CCT8: variants seen among roughly 807,000 people sequenced by gnomAD.
CCT8 encodes the protein chaperonin containing TCP1 subunit 8.
A neutral mutation model predicts 65.7 loss-of-function variants in CCT8; 10 were observed. The ratio of observed to expected loss-of-function variants is 0.15; its 90% confidence interval spans 0.09 to 0.26. The LOEUF (loss-of-function observed/expected upper bound fraction) is 0.26. CCT8 is among the 10% of genes least tolerant of loss of function. CCT8 has a pLI of 1.00. For synonymous variants in CCT8, 199 were observed against 221.8 expected (o/e 0.90, Z 0.92); for missense variants, 568 against 669.1 (o/e 0.85, Z 1.67).
Position 29,072,582 on chromosome 21 carries a change from C to G in CCT8, c.60+949G>C, listed in dbSNP as rs186593255. Among the ~76,000 whole-genome samples, 397 of 152,202 alleles carry G rather than the reference C, an allele frequency of 2.6e-3. 4 individuals are homozygous for G. Among genetic ancestry groups the G allele is most frequent in the Non-Finnish European group, 1.0e-3 (70 of 68,000 alleles). On this transcript the variant is annotated intron_variant, in intron 1 of 14. Coordinates refer to ENST00000286788, the MANE Select transcript of CCT8 (RefSeq NM_006585.4). Reference sequence around the variant, plus strand: ...GAACCCTGACATTTACTTACTATACCGACATTATTTGAAAAGTGCATCCTA... The same window carrying G: ...GAACCCTGACATTTACTTACTATACGGACATTATTTGAAAAGTGCATCCTA...
intron 14 of CCT8, among the ~76,000 whole-genome samples, chr21:29,058,399 C>T (rs1365358527): frequency 6.6e-6 from 1 of 151,848 alleles, no homozygotes; most frequent in Non-Finnish European, 1.5e-5. Context: ...TGAGATCACA[C>T]CACTGCACTC....
chr21:29,072,948 A>G (rs566481462), intron 1 of CCT8, among the ~76,000 whole-genome samples: 2 of 152,346 alleles, frequency 1.3e-5, no homozygotes, highest in African/African-American at 2.4e-5. Context: ...AGAAAGTTAC[A>G]TTTTAGATTA....
At chr21:29,064,892 A>T in intron 7 of CCT8, 76 bp downstream of exon 7, 1 of 1,282,822 alleles carries the variant, frequency 7.8e-7, no homozygotes, top group Non-Finnish European at 1.1e-6. Context: ...AGAAGTACTT[A>T]CTGGTTTAAG....
chr21:29,061,586 C>A lies in CCT8; in HGVS notation c.1213-19G>T, dbSNP rs776685936. The A allele has an allele frequency of 1.9e-5, 30 of 1,599,078 alleles. No individual in the cohort carries two copies. The Admixed American group carries it at 5.1e-4, about 27-fold the overall frequency. ...GTTTATCCTGTATGTAGCGCCCCCA[C>A]CAAAAAAAAAATGAACACAAAACAA... is the stretch of plus-strand genomic sequence containing the variant. On this transcript the variant is annotated intron_variant, in intron 11 of 14. Transcript: ENST00000286788.
chr21:29,071,363 T>C lies in CCT8; in HGVS notation c.61-1026A>G, dbSNP rs565674293. 2.6e-5 allele frequency among the ~76,000 whole-genome samples: 4 copies of C among 152,120 alleles called. No individual in the cohort carries two copies. The East Asian group carries it at 7.8e-4, about 30-fold the overall frequency. On this transcript the variant is annotated intron_variant, in intron 1 of 14. Transcript: ENST00000286788. The stretch of plus-strand genomic sequence containing the variant: ...TACAATACAAGCCATGATTTTGTGA[T>C]CCAAAACCAAGGTTAATAGCCATTA...
chr21:29,063,603 T>C, intron 7 of CCT8, 73 bp from the exon 8 acceptor site: 1 of 1,461,254 alleles, frequency 6.8e-7, no homozygotes, highest in South Asian at 1.2e-5. Context: ...AGATAATAGT[T>C]GACTGAAGAA....
chr21:29,072,010 T>A (rs890918229), intron 1 of CCT8: 81 of 621,042 alleles, frequency 1.3e-4, no homozygotes, highest in South Asian at 4.5e-4. Flanking sequence ...GTTGTTGTTT[T>A]AAAAAAAAAA....
In CCT8 at chr21:29,056,442, C is replaced by A. The variant is rs757293791; in HGVS notation, c.*33G>T. On this transcript the variant is annotated 3_prime_UTR_variant, in exon 15 of 15. Coordinates refer to ENST00000286788, the MANE Select transcript of CCT8 (RefSeq NM_006585.4). ...TGATTCTTGAGTACTACTACAAATACAGCCTTCACCTACAGTAAAAATTAA... is the reference window on the plus strand; with the variant it reads ...TGATTCTTGAGTACTACTACAAATAAAGCCTTCACCTACAGTAAAAATTAA... 10 of 1,220,752 alleles carry A rather than the reference C, an allele frequency of 8.2e-6. No individual in the cohort carries two copies. Among genetic ancestry groups the A allele is most frequent in the Non-Finnish European group, 1.0e-5 (9 of 883,400 alleles). 75.6% of individuals were successfully genotyped at this position (1,220,752 alleles called of 1,614,324 possible).
chr21:29,057,174 T>C lies in CCT8; in HGVS notation c.1570-622A>G, dbSNP rs139507266. Among the ~76,000 whole-genome samples the C allele has an allele frequency of 8.8e-3, 1,322 of 150,560 alleles. 18 individuals carry two copies. The highest frequency in any genetic ancestry group is 0.031 in the African/African-American group (1,266 of 41,176). On this transcript the variant is annotated intron_variant, in intron 14 of 14. Transcript: ENST00000286788. ...AAATAAATAGGTTTTAGCTTTTTTT[T>C]TTTTTTTCTTTTTGAGACGGAGTCT...
At chr21:29,067,168 CA>C (rs2085633305) in intron 4 of CCT8, 97 bp from the exon 5 acceptor site, 2 of 840,488 alleles carry the variant, frequency 2.4e-6, no homozygotes, top group Non-Finnish European at 3.7e-6. Flanking sequence ...TACAAAATGA[CA>C]AAGAATATAC....
Position 29,057,619 on chromosome 21 carries a change from T to C in CCT8, c.1570-1067A>G, listed in dbSNP as rs1216946098. Among the ~76,000 whole-genome samples the C allele has an allele frequency of 2.1e-5, 3 of 144,820 alleles. No individual in the cohort carries two copies. The East Asian group carries it at 6.0e-4, about 29-fold the overall frequency. On this transcript the variant is annotated intron_variant, in intron 14 of 14. Coordinates refer to ENST00000286788, the MANE Select transcript of CCT8 (RefSeq NM_006585.4). ...AGTCTACAAAAACTAAAAATATATA[T>C]ATATATAAAATATATATATAACATT...
At chr21:29,067,257 C>CA in intron 4 of CCT8, among the ~76,000 whole-genome samples, 186 bp from the exon 5 acceptor site, 1 of 152,298 alleles carries the variant, frequency 6.6e-6, no homozygotes, top group South Asian at 2.1e-4. Flanking sequence ...AATCTTAACT[C>CA]TACCTAACTC....
At chr21:29,067,729 T>G (rs758337074) in intron 3 of CCT8, 24 bp from the exon 4 acceptor site, 4 of 1,334,142 alleles carry the variant, frequency 3.0e-6, no homozygotes, top group South Asian at 2.6e-5. Flanking sequence ...TAATATCAAG[T>G]TAAACATCTG....
rs1286451745 is a variant in CCT8, at chr21:29,056,516, G to A, written c.1606C>T (p.Pro536Ser). Residue 536 changes from proline to serine, a missense_variant, in exon 15 of 15, where the codon CCA (proline) becomes TCA (serine). Physicochemically the swap from Pro to Ser is moderately conservative, Grantham distance 74. Transcript: ENST00000286788. ...MAKPAGGPKP[P>S]SGKKDWDDDQ... ...TCATCCCAGTCTTTCTTCCCACTTG[G>A]AGGCTTGGGCCCACCAGCTGGTTTT... 2 of 1,544,828 alleles carry A rather than the reference G, an allele frequency of 1.3e-6. No homozygotes were observed. Among genetic ancestry groups the A allele is most frequent in the South Asian group, 1.2e-5 (1 of 80,382 alleles).
At chr21:29,068,188 T>C (rs898234376) in intron 3 of CCT8, among the ~76,000 whole-genome samples, 7 of 152,184 alleles carry the variant, frequency 4.6e-5, no homozygotes, top group African/African-American at 1.7e-4. Flanking sequence ...AAATATAACA[T>C]AATTTTATGT....
chr21:29,063,218 A>C lies in CCT8; in HGVS notation c.941+134T>G, dbSNP rs185760796. ...TGTTTCCTGACCCCTCCCCAAACTAAATCCTTCTGCTATTTGACCTAGTAC... is the reference window on the plus strand; with the variant it reads ...TGTTTCCTGACCCCTCCCCAAACTACATCCTTCTGCTATTTGACCTAGTAC... On this transcript the variant is annotated intron_variant, in intron 8 of 14. Coordinates refer to ENST00000286788, the MANE Select transcript of CCT8 (RefSeq NM_006585.4). 2.5e-4 allele frequency: 164 copies of C among 665,296 alleles called. 1 individual carries two copies. Among genetic ancestry groups the C allele is most frequent in the Non-Finnish European group, 1.0e-5 (4 of 398,004 alleles). 41.2% of individuals were successfully genotyped at this position (665,296 alleles called of 1,614,324 possible). A position where few individuals can be genotyped will look rare whatever the true frequency, so the allele number is the denominator to read the frequency against.
At position 29,060,599 on chromosome 21, in the gene CCT8, T is replaced by C; in HGVS notation, c.1511A>G (p.Lys504Arg). ...AGTAGCGAGTTTGATAGCCCAATATTTTCCCAGGTAAGTATCTAGAATACC... is the reference window on the plus strand; with the variant it reads ...AGTAGCGAGTTTGATAGCCCAATATCTTCCCAGGTAAGTATCTAGAATACC... ...EAGILDTYLG[K>R]YWAIKLATNA... The change falls in exon 14 of 15, where the codon AAA becomes AGA. Residue 504 changes from lysine (K) to arginine (R), a missense_variant. By Grantham distance (26) the Lys-to-Arg change is conservative. Transcript: ENST00000286788. The C allele has an allele frequency of 6.2e-7, 1 of 1,613,882 alleles. No homozygotes were observed. The highest frequency in any genetic ancestry group is 8.5e-7 in the Non-Finnish European group (1 of 1,179,808).
At chr21:29,065,323 G>A (rs1012026864) in intron 6 of CCT8, among the ~76,000 whole-genome samples, 1 of 152,200 alleles carries the variant, frequency 6.6e-6, no homozygotes, top group African/African-American at 2.4e-5. Flanking sequence ...GGGAGGGGAG[G>A]TCCTTCCATG....
intron 1 of CCT8, among the ~76,000 whole-genome samples, chr21:29,071,461 T>C (rs2085679376): frequency 6.8e-6 from 1 of 147,656 alleles, no homozygotes; most frequent in Admixed American, 6.8e-5. Context: ...CGTGGCACGA[T>C]CTCAGCTCAC....
Sources: gnomAD v4.1 joint callset for allele counts (sites outside exome capture counted in the v4.1 genomes callset) on GRCh38, gnomAD v4.1.1 for gene constraint, MANE v1.5 for transcripts, NCBI Gene and HGNC (gene_info 2026-07-23, HGNC 2026-07-21) for gene names.